The following C12orf42 variants were observed in gnomAD, a reference collection of about 807,000 sequenced individuals.
The protein encoded by C12orf42 is uncharacterized protein C12orf42.
C12orf42 carries 25 observed loss-of-function variants against 21.6 expected under a neutral mutation model. The ratio of observed to expected loss-of-function variants is 1.16; its 90% CI spans 0.84 to 1.62. The LOEUF (loss-of-function observed/expected upper bound fraction) is 1.62, where lower values mean the gene tolerates loss of function less well. Among genes scored for constraint, C12orf42 ranks in the 40% most tolerant of loss-of-function variants. The pLI is 0.00. For synonymous variants in C12orf42, 174 were observed against 175.0 expected, an observed-to-expected ratio of 0.99 and a Z score of 0.05; for missense variants, 483 against 459.3, an observed-to-expected ratio of 1.05 and a Z score of -0.47.
chr12:103,255,752 C>G (rs1450418451), intron 10 of C12orf42, among the ~76,000 whole-genome samples: 1 of 151,636 alleles, frequency 6.6e-6, no homozygotes, highest in Non-Finnish European at 1.5e-5. Flanking sequence ...ATTATTATAT[C>G]TATTATAAAG....
chr12:103,374,276 T>C (rs2045508281), intron 3 of C12orf42, among the ~76,000 whole-genome samples: 1 of 152,194 alleles, frequency 6.6e-6, no homozygotes, highest in South Asian at 2.1e-4. Flanking sequence ...TTGATCCATA[T>C]AGTTTGGACA....
chr12:103,528,771 T>G, the C12orf42 span, among the ~76,000 whole-genome samples: 1 of 152,196 alleles, frequency 6.6e-6, no homozygotes, highest in Non-Finnish European at 1.5e-5. Context: ...CAGTTTCCAG[T>G]ATTCCTTTAT....
intron 5 of C12orf42, among the ~76,000 whole-genome samples, chr12:103,273,460 G>A (rs2035583622): frequency 2.0e-5 from 3 of 152,096 alleles, no homozygotes; most frequent in Admixed American, 2.0e-4. Flanking sequence ...AGACTGTAAT[G>A]GAGGGTGTTA....
Position 103,306,055 on chromosome 12 carries a change from G to A in C12orf42, c.550C>T (p.His184Tyr), listed in dbSNP as rs1566045190. 4.3e-6 allele frequency: 7 copies of A among 1,613,960 alleles called. 1 individual carries two copies. The highest frequency in any genetic ancestry group is 2.7e-5 in the African/African-American group (2 of 75,052). The change falls in exon 5 of 6, where the codon CAC (histidine) becomes TAC (tyrosine). Residue 184 changes from histidine to tyrosine, a missense_variant. By Grantham distance (83) the His-to-Tyr change is moderately conservative. Coordinates refer to ENST00000548883, the MANE Select transcript of C12orf42 (RefSeq NM_198521.5). The stretch of plus-strand genomic sequence containing the variant: ...ATGTGTATGCCCTGAGCCTCCAGGT[G>A]AACAGGATTTACTGAGTGTGCCCAG... ...PNWAHSVNPV[H>Y]LEAQGIHISR...
the C12orf42 span, among the ~76,000 whole-genome samples, chr12:103,227,624 T>C: frequency 3.9e-4 from 59 of 151,600 alleles, no homozygotes; most frequent in Admixed American, 7.9e-4. Flanking sequence ...AGAGAAGGGG[T>C]TGGGGTACTT....
intron 3 of C12orf42, among the ~76,000 whole-genome samples, chr12:103,388,348 G>A (rs964407823): frequency 1.3e-5 from 2 of 152,110 alleles, no homozygotes; most frequent in African/African-American, 2.4e-5. Flanking sequence ...CTACTCCTGG[G>A]CCTGGCTCCT....
At chr12:103,401,706 C>A (rs751224942) in intron 2 of C12orf42, 31 bp from the exon 3 acceptor site, 1 of 1,581,106 alleles carries the variant, frequency 6.3e-7, no homozygotes, top group Admixed American at 1.7e-5. Context: ...CATTTAGTAT[C>A]ACTTCAATAA....
chr12:103,217,035 G>A, the C12orf42 span, among the ~76,000 whole-genome samples: 1 of 151,994 alleles, frequency 6.6e-6, no homozygotes. Context: ...TAGAGACAGG[G>A]TTTCACCGTG....
the C12orf42 span, among the ~76,000 whole-genome samples, chr12:103,105,138 T>C: frequency 6.6e-6 from 1 of 152,182 alleles, no homozygotes; most frequent in Non-Finnish European, 1.5e-5. Context: ...TAGAGACTCT[T>C]CTACCCTGGT....
chr12:103,515,836 AAG>A, the C12orf42 span, among the ~76,000 whole-genome samples: 1 of 152,254 alleles, frequency 6.6e-6, no homozygotes, highest in African/African-American at 2.4e-5. Flanking sequence ...TTTTAAAAGA[AAG>A]AAGGGCTATT....
intron 1 of C12orf42, among the ~76,000 whole-genome samples, chr12:103,482,260 T>G (rs1263742401): frequency 2.0e-5 from 3 of 152,126 alleles, no homozygotes; most frequent in African/African-American, 7.2e-5. Context: ...TGGTAAACTC[T>G]CAGGTCTGTT....
At chr12:103,153,793 T>C in the C12orf42 span, among the ~76,000 whole-genome samples, 1 of 151,962 alleles carries the variant, frequency 6.6e-6, no homozygotes, top group Admixed American at 6.6e-5. Context: ...CACTCATCAG[T>C]TTCTCTACTA....
At chr12:103,173,222 T>C in the C12orf42 span, among the ~76,000 whole-genome samples, 1 of 152,182 alleles carries the variant, frequency 6.6e-6, no homozygotes, top group Non-Finnish European at 1.5e-5. Flanking sequence ...TGAAGTAAAA[T>C]TGATCAGAAA....
chr12:103,051,890 C>T, the C12orf42 span, among the ~76,000 whole-genome samples: 1 of 152,184 alleles, frequency 6.6e-6, no homozygotes, highest in East Asian at 1.9e-4. Flanking sequence ...CTTCCTCCCA[C>T]TTATTACACT....
the C12orf42 span, among the ~76,000 whole-genome samples, chr12:103,530,833 T>A: frequency 6.6e-6 from 1 of 152,156 alleles, no homozygotes; most frequent in African/African-American, 2.4e-5. Context: ...AACAGCTCTG[T>A]CCTATTGTGA....
chr12:103,068,934 C>CAT, the C12orf42 span, among the ~76,000 whole-genome samples: 97 of 48,058 alleles, frequency 2.0e-3, 2 homozygotes, highest in Admixed American at 3.0e-3. Context: ...TCTCTCTCCA[C>CAT]ATATATATAT....
chr12:103,397,241 G>A (rs961134687), intron 3 of C12orf42, among the ~76,000 whole-genome samples: 1 of 152,126 alleles, frequency 6.6e-6, no homozygotes, highest in African/African-American at 2.4e-5. Context: ...AGGCCACAAG[G>A]TATTTATCTA....
rs575304875 is a variant in C12orf42, at chr12:103,343,672, G to A, written c.259+25215C>T. On this transcript the variant is annotated intron_variant, in intron 4 of 5. Transcript: ENST00000548883. ...GGCTGTAATCCTAGATACTCGGGAG[G>A]CTGAGGCAGAAGAATCGCTTGAACC... Among the ~76,000 whole-genome samples the A allele has an allele frequency of 1.6e-3, 238 of 151,472 alleles. 1 individual carries two copies. Among genetic ancestry groups the A allele is most frequent in the African/African-American group, 5.4e-3 (221 of 41,230 alleles).
chr12:103,299,717 T>A (rs2037528483), downstream of C12orf42, among the ~76,000 whole-genome samples: 1 of 152,238 alleles, frequency 6.6e-6, no homozygotes, highest in South Asian at 2.1e-4. Context: ...CAGTTATTAC[T>A]GTTTAATTTA....
Sources: allele counts gnomAD v4.1 joint callset (sites outside exome capture counted in the v4.1 genomes callset), GRCh38; gene constraint gnomAD v4.1.1; transcripts MANE v1.5; gene names NCBI Gene and HGNC (gene_info 2026-07-23, HGNC 2026-07-21).